The following ERC2 variants were observed in gnomAD, a reference collection of about 807,000 sequenced individuals.
The protein encoded by ERC2 is ELKS/RAB6-interacting/CAST family member 2.
ERC2 carries 42 observed loss-of-function variants against 114.8 expected under a neutral mutation model. The ratio of observed to expected loss-of-function variants is 0.37; its 90% CI spans 0.29 to 0.47. ERC2 has a LOEUF of 0.47. Among genes scored for constraint, ERC2 ranks in the 20% least tolerant of loss-of-function variants. The probability of loss-of-function intolerance (pLI) is 0.99; values close to 1 mark genes in which losing one functional copy is unlikely to be tolerated. For missense variants in ERC2, 939 were observed against 1,150.7 expected, an observed-to-expected ratio of 0.82 and a Z score of 2.66; for synonymous variants, 454 against 425.5, an observed-to-expected ratio of 1.07 and a Z score of -0.82.
chr3:56,029,989 T>A (rs1323183438), intron 7 of ERC2, among the ~76,000 whole-genome samples: 5 of 152,172 alleles, frequency 3.3e-5, no homozygotes, highest in African/African-American at 9.6e-5. Flanking sequence ...TCTAGCTGCA[T>A]CCCACACATT....
At chr3:56,031,321 T>C (rs1576627842) in intron 7 of ERC2, among the ~76,000 whole-genome samples, 1 of 151,846 alleles carries the variant, frequency 6.6e-6, no homozygotes. Context: ...GTCTCTACCA[T>C]GGACTCAGTA....
At chr3:55,718,952 C>T (rs777741768) in intron 15 of ERC2, among the ~76,000 whole-genome samples, 13 of 152,090 alleles carry the variant, frequency 8.5e-5, no homozygotes, top group Non-Finnish European at 1.6e-4. Context: ...AATGATTCAC[C>T]GAAATTTCCA....
intron 10 of ERC2, among the ~76,000 whole-genome samples, chr3:55,994,254 T>C (rs1468023404): frequency 3.3e-5 from 5 of 152,126 alleles, no homozygotes; most frequent in Non-Finnish European, 5.9e-5. Context: ...TGAATACGTA[T>C]ATTTTGATTG....
At chr3:55,985,839 G>A in intron 12 of ERC2, 138 bp downstream of exon 12, 1 of 727,652 alleles carries the variant, frequency 1.4e-6, no homozygotes. Context: ...ACCTTCCCAA[G>A]GCATGGAATG....
chr3:56,385,411 T>C (rs1198468128), intron 2 of ERC2, among the ~76,000 whole-genome samples: 1 of 152,110 alleles, frequency 6.6e-6, no homozygotes. Context: ...ACCACATTGG[T>C]GGTGAGTGGA....
chr3:55,708,194 C>A (rs2063587182), intron 15 of ERC2, among the ~76,000 whole-genome samples: 1 of 152,210 alleles, frequency 6.6e-6, no homozygotes, highest in African/African-American at 2.4e-5. Flanking sequence ...ATGTTACTGA[C>A]CATCCCCTAA....
chr3:55,747,114 A>G (rs1204378277), intron 14 of ERC2, among the ~76,000 whole-genome samples: 1 of 152,202 alleles, frequency 6.6e-6, no homozygotes, highest in Non-Finnish European at 1.5e-5. Context: ...AAAAATAAAC[A>G]TTACACATGG....
chr3:55,530,864 C>G (rs1366080847), intron 17 of ERC2, among the ~76,000 whole-genome samples: 1 of 152,170 alleles, frequency 6.6e-6, no homozygotes, highest in Non-Finnish European at 1.5e-5. Flanking sequence ...GTGGGCATCC[C>G]CCCTCCACCA....
intron 14 of ERC2, among the ~76,000 whole-genome samples, chr3:55,846,618 C>T (rs964491540): frequency 1.8e-4 from 27 of 151,644 alleles, no homozygotes; most frequent in African/African-American, 5.8e-4. Context: ...CCACCAACAG[C>T]GTATAAGTGT....
At chr3:56,193,566 T>A (rs2047922224) in intron 3 of ERC2, among the ~76,000 whole-genome samples, 2 of 152,180 alleles carry the variant, frequency 1.3e-5, no homozygotes, top group African/African-American at 4.8e-5. Flanking sequence ...CGTGAGTAAT[T>A]TTCAAGTTTC....
chr3:56,316,878 C>G (rs1477011943), intron 2 of ERC2, among the ~76,000 whole-genome samples: 1 of 152,138 alleles, frequency 6.6e-6, no homozygotes, highest in African/African-American at 2.4e-5. Context: ...ATTCTTCCTT[C>G]GTTAGAGTCT....
intron 6 of ERC2, among the ~76,000 whole-genome samples, chr3:56,113,445 A>G (rs542220380): frequency 6.6e-6 from 1 of 152,218 alleles, no homozygotes; most frequent in Non-Finnish European, 1.5e-5. Context: ...ACCTTCATAT[A>G]GCAGCCCTCT....
intron 3 of ERC2, 66 bp from the exon 4 acceptor site, chr3:56,173,586 C>A (rs1300784053): frequency 1.4e-6 from 2 of 1,478,432 alleles, no homozygotes; most frequent in African/African-American, 1.4e-5. Context: ...AACCTTTACA[C>A]AGGTACTACA....
intron 14 of ERC2, among the ~76,000 whole-genome samples, chr3:55,821,374 G>A (rs1021987149): frequency 1.7e-4 from 26 of 152,220 alleles, no homozygotes; most frequent in African/African-American, 4.8e-4. Flanking sequence ...CATCAAACAC[G>A]TGGAAATGAG....
At chr3:55,843,510 C>T (rs962864801) in intron 14 of ERC2, among the ~76,000 whole-genome samples, 3 of 152,238 alleles carry the variant, frequency 2.0e-5, no homozygotes, top group African/African-American at 7.2e-5. Flanking sequence ...TCCCCAACCA[C>T]CCAATGGTGC....
At chr3:56,197,359 C>T (rs145345583) in intron 3 of ERC2, among the ~76,000 whole-genome samples, 256 of 152,314 alleles carry the variant, frequency 1.7e-3, no homozygotes, top group African/African-American at 6.0e-3. Flanking sequence ...TCTGAAACTA[C>T]GTTAGAATAC....
chr3:55,581,859 A>T (rs115855631), intron 17 of ERC2, among the ~76,000 whole-genome samples: 120 of 152,272 alleles, frequency 7.9e-4, no homozygotes, highest in African/African-American at 2.8e-3. Flanking sequence ...GCCATCAGGG[A>T]GAGTATAACC....
At chr3:55,767,180 T>C (rs2067857779) in intron 14 of ERC2, among the ~76,000 whole-genome samples, 1 of 152,236 alleles carries the variant, frequency 6.6e-6, no homozygotes, top group Non-Finnish European at 1.5e-5. Context: ...TCACTAGTCA[T>C]GCAGATAAAA....
intron 14 of ERC2, among the ~76,000 whole-genome samples, chr3:55,886,929 T>C (rs1042687813): frequency 3.3e-5 from 5 of 152,238 alleles, no homozygotes; most frequent in African/African-American, 1.2e-4. Flanking sequence ...AACAAACCAT[T>C]GAGCACCTAT....
Sources: allele counts gnomAD v4.1 joint callset (sites outside exome capture counted in the v4.1 genomes callset), GRCh38; gene constraint gnomAD v4.1.1; transcripts MANE v1.5; gene names NCBI Gene and HGNC (gene_info 2026-07-23, HGNC 2026-07-21).